EGFLAM: variants seen among roughly 807,000 people sequenced by gnomAD.
EGFLAM encodes pikachurin.
Under a neutral mutation model 113.1 loss-of-function variants are expected in EGFLAM, and 79 were observed. The ratio of observed to expected loss-of-function variants is 0.70; its 90% CI spans 0.58 to 0.84. The LOEUF is 0.84. Ranked by LOEUF, EGFLAM falls within the 40% of genes least tolerant of loss-of-function variation. The pLI, the probability that EGFLAM is intolerant of heterozygous loss-of-function variation, is 0.00. For synonymous variants in EGFLAM, 504 were observed against 487.6 expected (o/e 1.03, Z -0.44); for missense variants, 1,265 against 1,291.6 (o/e 0.98, Z 0.32).
At chr5:38,356,948 C>A (rs762424705) in intron 5 of EGFLAM, among the ~76,000 whole-genome samples, 1 of 152,072 alleles carries the variant, frequency 6.6e-6, no homozygotes, top group Non-Finnish European at 1.5e-5. Context: ...GTCTTTGGAA[C>A]GTGGTTAGGT....
At chr5:38,382,832 G>C (rs182052895) in intron 6 of EGFLAM, among the ~76,000 whole-genome samples, 233 of 152,278 alleles carry the variant, frequency 1.5e-3, no homozygotes, top group Middle Eastern at 0.01. Context: ...TTAGAACATA[G>C]ATTAGTGCTG....
At chr5:38,356,181 T>C (rs576466652) in intron 5 of EGFLAM, among the ~76,000 whole-genome samples, 15 of 152,360 alleles carry the variant, frequency 9.8e-5, no homozygotes, top group African/African-American at 2.9e-4. Flanking sequence ...AGAATTCTTA[T>C]AGTCGTTGAA....
rs1742302283 is a variant in EGFLAM, at chr5:38,435,151, G to C, written c.2181G>C (p.Gln727His). Residue 727 changes from glutamine (Q) to histidine (H), a missense_variant, in exon 16 of 22, where the codon CAG (glutamine) becomes CAC (histidine). Coordinates refer to ENST00000322350, the MANE Select transcript of EGFLAM (RefSeq NM_152403.4). ...VEGMAEGGFT[Q>H]IKCNTDIFIG... ...TCTTTTGGCAGGGAGGCTTCACACAGATTAAGTGCAACACAGACATTTTCA... is the reference window on the plus strand; with the variant it reads ...TCTTTTGGCAGGGAGGCTTCACACACATTAAGTGCAACACAGACATTTTCA... The C allele has an allele frequency of 6.2e-7, 1 of 1,614,026 alleles. No homozygotes were observed. The highest frequency in any genetic ancestry group is 1.3e-5 in the African/African-American group (1 of 74,926).
intron 19 of EGFLAM, 76 bp from the exon 20 acceptor site, chr5:38,458,235 A>C: frequency 7.5e-7 from 1 of 1,335,524 alleles, no homozygotes; most frequent in Non-Finnish European, 1.0e-6. Context: ...TGCCCTGAGA[A>C]TCGTCTGTGA....
At chr5:38,438,514 A>G (rs763955655) in intron 17 of EGFLAM, 59 bp downstream of exon 17, 1 of 1,450,896 alleles carries the variant, frequency 6.9e-7, no homozygotes, top group Non-Finnish European at 9.1e-7. Flanking sequence ...CGGACAGCCA[A>G]TTGGGGGACC....
intron 8 of EGFLAM, 148 bp from the exon 9 acceptor site, chr5:38,407,657 A>T: frequency 1.7e-6 from 1 of 592,258 alleles, no homozygotes; most frequent in South Asian, 2.1e-5. Flanking sequence ...AGTTGTAGGT[A>T]TAAAAAGTAT....
chr5:38,396,349 A>G (rs910318977), intron 6 of EGFLAM, among the ~76,000 whole-genome samples: 1 of 152,220 alleles, frequency 6.6e-6, no homozygotes, highest in Admixed American at 6.5e-5. Context: ...GTTTTCTCCC[A>G]TTAACAGTCA....
At chr5:38,260,366 A>G (rs1428916393) in intron 1 of EGFLAM, among the ~76,000 whole-genome samples, 1 of 152,264 alleles carries the variant, frequency 6.6e-6, no homozygotes, top group Non-Finnish European at 1.5e-5. Flanking sequence ...TTTAAAGGAT[A>G]TATTTTAATC....
chr5:38,364,697 C>A (rs1455292764), intron 5 of EGFLAM, among the ~76,000 whole-genome samples: 2 of 152,146 alleles, frequency 1.3e-5, no homozygotes, highest in East Asian at 1.9e-4. Flanking sequence ...AGTCACCATG[C>A]TTAATGAGCT....
chr5:38,359,792 A>G (rs906062713), intron 5 of EGFLAM, among the ~76,000 whole-genome samples: 1 of 152,214 alleles, frequency 6.6e-6, no homozygotes, highest in Non-Finnish European at 1.5e-5. Flanking sequence ...TCAACGTAAG[A>G]TATTTATATT....
intron 1 of EGFLAM, among the ~76,000 whole-genome samples, chr5:38,275,724 A>G (rs903297575): frequency 2.0e-5 from 3 of 152,232 alleles, no homozygotes; most frequent in Non-Finnish European, 4.4e-5. Context: ...TGAACCTAAC[A>G]AACACATATA....
chr5:38,275,928 C>T lies in EGFLAM; in HGVS notation c.97+17077C>T, dbSNP rs76309420. On this transcript the variant is annotated intron_variant, in intron 1 of 21. Transcript: ENST00000322350. Reference sequence around the variant, plus strand: ...ATAACAGGAGGAACATTGGGAAAATCGCAAATACATGGAAATTAAACAACT... The same window carrying T: ...ATAACAGGAGGAACATTGGGAAAATTGCAAATACATGGAAATTAAACAACT... Among the ~76,000 whole-genome samples the T allele has an allele frequency of 8.5e-5, 13 of 152,226 alleles. No homozygotes were observed. In the East Asian group the frequency reaches 1.7e-3, roughly 20 times the overall value.
At chr5:38,450,930 T>G (rs565291393) in intron 18 of EGFLAM, among the ~76,000 whole-genome samples, 1 of 152,304 alleles carries the variant, frequency 6.6e-6, no homozygotes, top group Admixed American at 6.5e-5. Context: ...TAGCCCAGAG[T>G]GGCTGCCAAT....
At chr5:38,355,074 G>A (rs545856918) in intron 5 of EGFLAM, among the ~76,000 whole-genome samples, 1 of 152,250 alleles carries the variant, frequency 6.6e-6, no homozygotes, top group South Asian at 2.1e-4. Context: ...ATAAGGACTT[G>A]GGTGCAAATA....
intron 5 of EGFLAM, among the ~76,000 whole-genome samples, chr5:38,358,326 A>G (rs1414480249): frequency 6.6e-6 from 1 of 151,456 alleles, no homozygotes; most frequent in East Asian, 1.9e-4. Context: ...GGGCACCTGT[A>G]GTCCCAGCTA....
intron 17 of EGFLAM, among the ~76,000 whole-genome samples, chr5:38,441,727 C>T (rs780087541): frequency 5.9e-5 from 9 of 152,094 alleles, no homozygotes; most frequent in Non-Finnish European, 1.0e-4. Flanking sequence ...TTCTCAGAGC[C>T]TTTGCTATGC....
At chr5:38,409,569 G>A (rs765471531) in intron 10 of EGFLAM, among the ~76,000 whole-genome samples, 42 of 152,324 alleles carry the variant, frequency 2.8e-4, no homozygotes, top group Admixed American at 4.6e-4. Flanking sequence ...GTTTCTTGAG[G>A]AGGGTACCTG....
intron 17 of EGFLAM, among the ~76,000 whole-genome samples, chr5:38,442,736 G>T (rs1407444844): frequency 6.6e-6 from 1 of 152,034 alleles, no homozygotes; most frequent in African/African-American, 2.4e-5. Flanking sequence ...TAAGATGGTT[G>T]CCAAGATTCC....
At chr5:38,345,176 ACAAGGG>A (rs1176769480) in intron 3 of EGFLAM, among the ~76,000 whole-genome samples, 5 of 152,256 alleles carry the variant, frequency 3.3e-5, no homozygotes, top group South Asian at 4.1e-4. Flanking sequence ...ACTGTTGCCC[ACAAGGG>A]CAGTTACAGA....
Sources: allele counts gnomAD v4.1 joint callset (sites outside exome capture counted in the v4.1 genomes callset), GRCh38; gene constraint gnomAD v4.1.1; transcripts MANE v1.5; gene names NCBI Gene and HGNC (gene_info 2026-07-23, HGNC 2026-07-21).